Variants in ADAMTS6 observed in about 807,000 individuals in gnomAD.
The protein encoded by ADAMTS6 is A disintegrin and metalloproteinase with thrombospondin motifs 6.
ADAMTS6 carries 23 observed loss-of-function variants against 144.3 expected under a neutral mutation model. The ratio of observed to expected loss-of-function variants is 0.16; its 90% CI spans 0.11 to 0.23. ADAMTS6 has a LOEUF of 0.23. Ranked by LOEUF, ADAMTS6 falls within the 10% of genes least tolerant of loss-of-function variation. The pLI, the probability that ADAMTS6 is intolerant of heterozygous loss-of-function variation, is 1.00. For missense variants in ADAMTS6, 999 were observed against 1,379.6 expected (o/e 0.72, Z 4.37); for synonymous variants, 444 against 457.5 (o/e 0.97, Z 0.38).
chr5:65,254,020 T>G (rs188544584), intron 14 of ADAMTS6, among the ~76,000 whole-genome samples: 5 of 149,278 alleles, frequency 3.3e-5, no homozygotes, highest in Admixed American at 6.6e-5. Flanking sequence ...AATTTTTGTA[T>G]TTTTTGTAGA....
chr5:65,214,901 C>G lies in ADAMTS6; in HGVS notation c.2468G>C (p.Arg823Thr), dbSNP rs1756804606. 1.2e-6 allele frequency: 2 copies of G among 1,613,866 alleles called. No individual in the cohort carries two copies. The highest frequency in any genetic ancestry group is 8.5e-7 in the Non-Finnish European group (1 of 1,179,978). ...VLLQEQNLGI[R>T]YKFNVPITRT... ...AGTGATGGGAACATTGAACTTATAC[C>G]TAATTCCCAAATTCTGTTCTTGAAG... Residue 823 changes from arginine (R) to threonine (T), a missense_variant, in exon 20 of 25, where the codon AGG becomes ACG. Arg to Thr is a moderately conservative substitution (Grantham distance 71, BLOSUM62 -1). Coordinates refer to ENST00000381055, the MANE Select transcript of ADAMTS6 (RefSeq NM_197941.4). This position sits in a 1 kb window ranked among gnomAD's most constrained non-coding sequence, Gnocchi z 4.6.
intron 11 of ADAMTS6, among the ~76,000 whole-genome samples, chr5:65,276,443 A>G (rs1231592460): frequency 6.6e-6 from 1 of 152,236 alleles, no homozygotes; most frequent in Non-Finnish European, 1.5e-5. Context: ...AACTTGAATA[A>G]GAAAGATACT....
rs786699 is a variant in ADAMTS6, at chr5:65,379,654, A to T, written c.1074-45569T>A. Among the ~76,000 whole-genome samples the T allele has an allele frequency of 3.9e-5, 6 of 151,970 alleles. No homozygotes were observed. The East Asian group carries it at 5.8e-4, about 15-fold the overall frequency. On this transcript the variant is annotated intron_variant, in intron 7 of 24. Coordinates refer to ENST00000381055, the MANE Select transcript of ADAMTS6 (RefSeq NM_197941.4). ...TTTCCTCAACACCTGGAAAACAGTG[A>T]CCCCGCTTTCTCCTCCCAGCCCTCC...
chr5:65,251,010 A>T (rs1760112096), intron 14 of ADAMTS6: 1 of 152,246 alleles, frequency 6.6e-6, no homozygotes, highest in Non-Finnish European at 1.5e-5. Flanking sequence ...CTCTTAGAAC[A>T]TTCTGCATGA....
intron 3 of ADAMTS6, among the ~76,000 whole-genome samples, chr5:65,468,331 C>T (rs757546140): frequency 2.7e-4 from 41 of 150,646 alleles, no homozygotes; most frequent in Non-Finnish European, 4.1e-4. Context: ...CACTTGTTTA[C>T]ATATTCCATT....
intron 20 of ADAMTS6, among the ~76,000 whole-genome samples, chr5:65,213,001 A>C (rs2112320577): frequency 6.6e-6 from 1 of 152,350 alleles, no homozygotes; most frequent in Non-Finnish European, 1.5e-5. Flanking sequence ...AAAAGAATTG[A>C]ATTGGATAAA....
Position 65,286,822 on chromosome 5 carries a change from C to A in ADAMTS6, c.1512+4507G>T, listed in dbSNP as rs144793800. The stretch of plus-strand genomic sequence containing the variant: ...CCACAGCCCCTACATTATATAGGCT[C>A]ATTAGTGACTTCCTTCCTACGTTTA... On this transcript the variant is annotated intron_variant, in intron 11 of 24. Transcript: ENST00000381055. Among the ~76,000 whole-genome samples, 49 of 152,286 alleles carry A rather than the reference C, an allele frequency of 3.2e-4. 3 individuals are homozygous for A. The highest frequency in any genetic ancestry group is 1.1e-3 in the African/African-American group (44 of 41,570).
intron 14 of ADAMTS6, among the ~76,000 whole-genome samples, chr5:65,246,998 G>A (rs1048249810): frequency 2.6e-5 from 4 of 152,130 alleles, no homozygotes; most frequent in Admixed American, 1.3e-4. Context: ...ATTACTTAAG[G>A]ATAATAAATG....
intron 7 of ADAMTS6, among the ~76,000 whole-genome samples, chr5:65,406,867 T>C (rs772209828): frequency 3.3e-5 from 5 of 152,108 alleles, no homozygotes; most frequent in Admixed American, 2.0e-4. Context: ...TTGAATTTTG[T>C]CGAAGATCTT....
At chr5:65,273,190 G>A (rs1580256435) in intron 12 of ADAMTS6, 150 bp downstream of exon 12, 4 of 660,976 alleles carry the variant, frequency 6.1e-6, no homozygotes. Context: ...CAGCTACCAA[G>A]GTATGACAAT....
At chr5:65,235,874 T>A (rs1315249933) in intron 15 of ADAMTS6, among the ~76,000 whole-genome samples, 1 of 152,190 alleles carries the variant, frequency 6.6e-6, no homozygotes, top group Non-Finnish European at 1.5e-5. Flanking sequence ...AAATGAAAGG[T>A]CATATTAACC....
chr5:65,269,073 G>C (rs1223163418), intron 12 of ADAMTS6, among the ~76,000 whole-genome samples: 1 of 152,172 alleles, frequency 6.6e-6, no homozygotes, highest in Non-Finnish European at 1.5e-5. Flanking sequence ...ATTTCTCGGA[G>C]ACACACAAAC....
intron 20 of ADAMTS6, among the ~76,000 whole-genome samples, chr5:65,212,474 T>C (rs1291589962): frequency 6.6e-6 from 1 of 150,778 alleles, no homozygotes. Context: ...ATCACTTCTA[T>C]TTCTCAATGC....
Position 65,172,846 on chromosome 5 carries a change from C to T in ADAMTS6, c.3073G>A (p.Gly1025Arg), listed in dbSNP as rs1753719449. Residue 1025 changes from glycine (G) to arginine (R), a missense_variant, in exon 23 of 25, where the codon GGA becomes AGA. Gly to Arg is a moderately radical substitution (Grantham distance 125). Transcript: ENST00000381055. ...AAACGCCTTACCTGGCCCCAGTCTC[C>T]TGTGACCCAGCGAGGAGGAGGGCAG... ...GRCPPPRWVT[G>R]DWGQCSAQCG... The T allele has an allele frequency of 1.9e-6, 3 of 1,614,156 alleles. No homozygotes were observed. Among genetic ancestry groups the T allele is most frequent in the Non-Finnish European group, 2.5e-6 (3 of 1,179,988 alleles).
chr5:65,203,233 G>C (rs756326728), intron 20 of ADAMTS6, among the ~76,000 whole-genome samples: 10 of 152,112 alleles, frequency 6.6e-5, no homozygotes, highest in African/African-American at 2.4e-4. Context: ...AATCATGCTG[G>C]TATACCCAGC....
At chr5:65,341,251 A>T (rs1377242321) in intron 7 of ADAMTS6, among the ~76,000 whole-genome samples, 2 of 152,032 alleles carry the variant, frequency 1.3e-5, no homozygotes, top group Non-Finnish European at 2.9e-5. Context: ...ATAAATCAAA[A>T]AACTAAAATG....
intron 9 of ADAMTS6, among the ~76,000 whole-genome samples, chr5:65,317,429 A>AC (rs1745118147): frequency 6.6e-6 from 1 of 152,182 alleles, no homozygotes; most frequent in Non-Finnish European, 1.5e-5. Flanking sequence ...ACTTAATTAA[A>AC]CCTAAGACCC....
At chr5:65,369,259 A>G (rs1750608559) in intron 7 of ADAMTS6, among the ~76,000 whole-genome samples, 1 of 152,184 alleles carries the variant, frequency 6.6e-6, no homozygotes, top group Non-Finnish European at 1.5e-5. Flanking sequence ...TAATTACGCC[A>G]AAATTTGTAT....
At chr5:65,191,108 A>C (rs1754993279) in intron 21 of ADAMTS6, among the ~76,000 whole-genome samples, 1 of 152,110 alleles carries the variant, frequency 6.6e-6, no homozygotes, top group Non-Finnish European at 1.5e-5. Flanking sequence ...TAGCTGGAAC[A>C]ATTCTGGGGC....
Sources: gnomAD v4.1 joint callset for allele counts (sites outside exome capture counted in the v4.1 genomes callset) on GRCh38, gnomAD v4.1.1 for gene constraint, Gnocchi (gnomAD v3.1) non-coding constraint, MANE v1.5 for transcripts, NCBI Gene and HGNC (gene_info 2026-07-23, HGNC 2026-07-21) for gene names.